RASSF3: variants seen among roughly 807,000 people sequenced by gnomAD.
The protein encoded by RASSF3 is ras association domain-containing protein 3.
A neutral mutation model predicts 19.9 loss-of-function variants in RASSF3; 19 were observed. That is an observed-to-expected ratio of 0.96 (90% CI 0.67 to 1.40). RASSF3 has a LOEUF of 1.40. Ranked by LOEUF, RASSF3 falls within the 40% of genes most tolerant of loss-of-function variation. RASSF3 has a pLI of 0.00. For missense variants in RASSF3, 306 were observed against 289.8 expected (o/e 1.06, Z -0.41); for synonymous variants, 110 against 104.2 (o/e 1.06, Z -0.34).
chr12:64,555,092 A>C (rs1301250098), intron 2 of RASSF3, among the ~76,000 whole-genome samples: 1 of 151,996 alleles, frequency 6.6e-6, no homozygotes, highest in Non-Finnish European at 1.5e-5. Flanking sequence ...AAAAATACAA[A>C]AACCAGCTGG....
At chr12:64,643,830 C>T (rs1270998974) in intron 1 of RASSF3, among the ~76,000 whole-genome samples, 1 of 152,082 alleles carries the variant, frequency 6.6e-6, no homozygotes, top group African/African-American at 2.4e-5. Context: ...TTTGTTTTTT[C>T]ACTTTATCTC....
chr12:64,563,056 A>G lies in RASSF3; in HGVS notation c.294+21351A>G, dbSNP rs145655462. On this transcript the variant is annotated intron_variant, in intron 2 of 5. Transcript: ENST00000637125. ...ACAGCTACTGCATGTCAAAGCCACC[A>G]TCATCTCACTCATACCAATATAACA... Among the ~76,000 whole-genome samples the G allele has an allele frequency of 4.6e-3, 705 of 152,222 alleles. 6 individuals carry two copies. Among genetic ancestry groups the G allele is most frequent in the African/African-American group, 0.016 (658 of 41,550 alleles).
At position 64,694,886 on chromosome 12, in the gene RASSF3, C is replaced by T. The variant is rs1182646116; in HGVS notation, c.691C>T (p.Leu231Phe). The change falls in exon 5 of 5, where the codon CTC (leucine) becomes TTC (phenylalanine). Residue 231 changes from leucine to phenylalanine, a missense_variant. Physicochemically the swap from Leu to Phe is conservative, Grantham distance 22. Transcript: ENST00000542104. The stretch of plus-strand genomic sequence containing the variant: ...CTACAGGCAGAAGCTGGAAGAAGCC[C>T]TCCGTGAGGTGTGGAAGCCTGATTA... ...TAYRQKLEEALREVWKPD is the reference protein window; with the variant it reads ...TAYRQKLEEAFREVWKPD 1.9e-6 allele frequency: 3 copies of T among 1,614,088 alleles called. No individual in the cohort carries two copies. The highest frequency in any genetic ancestry group is 2.2e-5 in the East Asian group (1 of 44,898).
At chr12:64,532,463 G>A (rs1482424830), upstream of RASSF3, among the ~76,000 whole-genome samples, 2 of 152,066 alleles carry the variant, frequency 1.3e-5, no homozygotes, top group Non-Finnish European at 2.9e-5. Context: ...TTCTTTCAAT[G>A]GCTCACCCTT....
chr12:64,581,743 G>T lies in RASSF3; in HGVS notation c.294+40038G>T, dbSNP rs559564524. 1.1e-3 allele frequency among the ~76,000 whole-genome samples: 159 copies of T among 149,476 alleles called. 1 individual carries two copies. The highest frequency in any genetic ancestry group is 3.7e-3 in the African/African-American group (147 of 39,426). On this transcript the variant is annotated intron_variant, in intron 2 of 5. Coordinates refer to the RASSF3 transcript ENST00000637125. The stretch of plus-strand genomic sequence containing the variant: ...ACCTCATTGCCAAAGCCCAAAGAAG[G>T]ATGTTTCTTCTTTTTAAATCTGAAA...
At chr12:64,621,621 G>C (rs2136164039) in intron 1 of RASSF3, among the ~76,000 whole-genome samples, 1 of 152,304 alleles carries the variant, frequency 6.6e-6, no homozygotes, top group East Asian at 1.9e-4. Flanking sequence ...GGGATTATGG[G>C]CATGCGCCAC....
rs1177562969 is a variant in RASSF3 at position 64,595,852 on chromosome 12, T to TAGACAGTCTAGAC, written c.294+54149_294+54150insACAGTCTAGACAG. On this transcript the variant is annotated intron_variant, in intron 2 of 5. Transcript: ENST00000637125. ...TCTCAATCCCATTCTCCCTCAAGTCTAGTCATCGAAACTAGAATCTCTCTT... is the reference window on the plus strand; with the variant it reads ...TCTCAATCCCATTCTCCCTCAAGTCTAGACAGTCTAGACAGTCATCGAAACTAGAATCTCTCTT... Among the ~76,000 whole-genome samples the TAGACAGTCTAGAC allele has an allele frequency of 1.6e-4, 25 of 152,284 alleles. No individual in the cohort carries two copies. In the East Asian group the frequency reaches 4.6e-3, roughly 28 times the overall value.
In RASSF3 at chr12:64,695,992, C is replaced by A. The variant is rs1232492710; in HGVS notation, c.*1080C>A. 1 of 152,084 alleles carries A rather than the reference C, an allele frequency of 6.6e-6. No individual in the cohort carries two copies. The highest frequency in any genetic ancestry group is 1.5e-5 in the Non-Finnish European group (1 of 68,010). 9.4% of individuals were successfully genotyped at this position (152,084 alleles called of 1,614,324 possible). A position where few individuals can be genotyped will look rare whatever the true frequency, so the allele number is the denominator to read the frequency against. On this transcript the variant is annotated 3_prime_UTR_variant, in exon 5 of 5. Coordinates refer to ENST00000542104, the MANE Select transcript of RASSF3 (RefSeq NM_178169.4). ...ATATTTGTCAAGTAAACTTTGGTGA[C>A]AATCACTCTCTTCCCTTTTATTCCT...
At chr12:64,625,620 C>T (rs996316248) in intron 1 of RASSF3, among the ~76,000 whole-genome samples, 3 of 152,052 alleles carry the variant, frequency 2.0e-5, no homozygotes, top group South Asian at 4.1e-4. Flanking sequence ...TAGTCACTGT[C>T]GTCTTTCTGG....
intron 1 of RASSF3, among the ~76,000 whole-genome samples, chr12:64,663,717 G>C (rs1872449888): frequency 6.6e-6 from 1 of 151,924 alleles, no homozygotes; most frequent in Admixed American, 6.6e-5. Flanking sequence ...TGTTAGCCAG[G>C]CTGGCCTTGA....
chr12:64,629,279 T>C (rs995414614), intron 1 of RASSF3, among the ~76,000 whole-genome samples: 6 of 148,094 alleles, frequency 4.1e-5, no homozygotes, highest in African/African-American at 1.5e-4. Context: ...TTTTTCGTAT[T>C]TTTTTTTTTG....
chr12:64,561,201 C>T (rs1268455498), intron 2 of RASSF3, among the ~76,000 whole-genome samples: 1 of 152,186 alleles, frequency 6.6e-6, no homozygotes, highest in African/African-American at 2.4e-5. Context: ...AGCCTCCCAC[C>T]AGGTCCCTTG....
chr12:64,627,225 G>A (rs938548436), intron 1 of RASSF3, among the ~76,000 whole-genome samples: 2 of 152,138 alleles, frequency 1.3e-5, no homozygotes, highest in Middle Eastern at 3.2e-3. Context: ...CTGTAGTATT[G>A]ACACTTGATA....
At chr12:64,511,914 C>T (rs750249215) in intron 1 of RASSF3, among the ~76,000 whole-genome samples, 1 of 152,120 alleles carries the variant, frequency 6.6e-6, no homozygotes, top group African/African-American at 2.4e-5. Context: ...CCCTTTCACC[C>T]CTTCCTGCCC....
intron 4 of RASSF3, among the ~76,000 whole-genome samples, chr12:64,693,785 A>G (rs1868318179): frequency 6.6e-6 from 1 of 152,256 alleles, no homozygotes; most frequent in Non-Finnish European, 1.5e-5. Context: ...TTAGGGAAAC[A>G]AGGCTCAGAG....
chr12:64,546,411 C>T (rs964081711), downstream of RASSF3, among the ~76,000 whole-genome samples: 1 of 152,110 alleles, frequency 6.6e-6, no homozygotes, highest in Non-Finnish European at 1.5e-5. Flanking sequence ...ACTGGGACTA[C>T]AGGCGCCTGC....
chr12:64,577,669 T>C (rs1869618095), intron 2 of RASSF3, among the ~76,000 whole-genome samples: 1 of 151,922 alleles, frequency 6.6e-6, no homozygotes, highest in South Asian at 2.1e-4. Context: ...GAGGCAGGGG[T>C]GGCAGCGAGC....
At chr12:64,528,476 A>G (rs1868636663), upstream of RASSF3, among the ~76,000 whole-genome samples, 1 of 152,202 alleles carries the variant, frequency 6.6e-6, no homozygotes, top group African/African-American at 2.4e-5. Context: ...AAATACAGGA[A>G]TTCAGATTTC....
chr12:64,587,845 C>A lies in RASSF3; in HGVS notation c.294+46140C>A, dbSNP rs1025919193. Among the ~76,000 whole-genome samples the A allele has an allele frequency of 2.6e-5, 4 of 152,146 alleles. No homozygotes were observed. The East Asian group carries it at 5.8e-4, about 22-fold the overall frequency. On this transcript the variant is annotated intron_variant, in intron 2 of 5. Transcript: ENST00000637125. Reference sequence around the variant, plus strand: ...TTTGTCCTAGTTTAAAATACTGCAACACAGACAATGATATCTCAACCCACG... The same window carrying A: ...TTTGTCCTAGTTTAAAATACTGCAAAACAGACAATGATATCTCAACCCACG...
Sources: allele counts gnomAD v4.1 joint callset (sites outside exome capture counted in the v4.1 genomes callset), GRCh38; gene constraint gnomAD v4.1.1; transcripts MANE v1.5; gene names NCBI Gene and HGNC (gene_info 2026-07-23, HGNC 2026-07-21).